The following PDIA5 variants were observed in gnomAD, a reference collection of about 807,000 sequenced individuals.
The protein encoded by PDIA5 is protein disulfide-isomerase A5.
In PDIA5, 58 loss-of-function variants were observed where a neutral mutation model predicts 77.6. The observed-to-expected ratio is 0.75, with a 90% CI of 0.61 to 0.93. The LOEUF (loss-of-function observed/expected upper bound fraction) is 0.93. Among genes scored for constraint, PDIA5 ranks in the 40% least tolerant of loss-of-function variants. PDIA5 has a pLI of 0.00. For missense variants in PDIA5, 630 were observed against 647.7 expected (o/e 0.97, Z 0.30); for synonymous variants, 250 against 252.1 (o/e 0.99, Z 0.08).
intron 15 of PDIA5, 136 bp from the exon 16 acceptor site, chr3:123,161,185 G>T: frequency 4.5e-6 from 4 of 880,476 alleles, no homozygotes; most frequent in Non-Finnish European, 5.3e-6. Context: ...GGGTGCTTTG[G>T]TTCAGTTCCT....
intron 14 of PDIA5, 56 bp from the exon 15 acceptor site, chr3:123,154,915 G>T (rs781343179): frequency 3.3e-6 from 4 of 1,196,134 alleles, no homozygotes; most frequent in Non-Finnish European, 5.0e-6. Flanking sequence ...CCCTGGCCCT[G>T]CAGCCTCCCT....
chr3:123,083,218 AG>A (rs144077305), intron 1 of PDIA5, among the ~76,000 whole-genome samples: 11 of 12,806 alleles, frequency 8.6e-4, no homozygotes, highest in Admixed American at 7.1e-3. Context: ...GGGGTGGGGG[AG>A]GGGGGGTGCA....
rs570399155 is a variant in PDIA5 at position 123,100,464 on chromosome 3, G to A, written c.258-1947G>A. ...CTGGACTCTATCTTAAAATGTCCTTGCCACCTTGGGGTAGGAACTATTGCA... is the reference window on the plus strand; with the variant it reads ...CTGGACTCTATCTTAAAATGTCCTTACCACCTTGGGGTAGGAACTATTGCA... On this transcript the variant is annotated intron_variant, in intron 3 of 16. Transcript: ENST00000316218. 3.3e-5 allele frequency among the ~76,000 whole-genome samples: 5 copies of A among 152,322 alleles called. 1 individual carries two copies. In the South Asian group the frequency reaches 1.0e-3, roughly 32 times the overall value.
chr3:123,078,979 G>T (rs1933923711), intron 1 of PDIA5, among the ~76,000 whole-genome samples: 2 of 152,086 alleles, frequency 1.3e-5, no homozygotes, highest in South Asian at 4.1e-4. Context: ...CTTTGAGGCA[G>T]TTAATTATTT....
chr3:123,136,425 G>C (rs545657165), intron 11 of PDIA5, among the ~76,000 whole-genome samples: 1 of 152,074 alleles, frequency 6.6e-6, no homozygotes, highest in Admixed American at 6.5e-5. Flanking sequence ...TTCTCCTTCC[G>C]CAGTGCTTCT....
intron 1 of PDIA5, among the ~76,000 whole-genome samples, chr3:123,067,832 A>T (rs1576427866): frequency 6.6e-6 from 1 of 152,150 alleles, no homozygotes; most frequent in Non-Finnish European, 1.5e-5. Flanking sequence ...CGGTTCATTT[A>T]ATGTATCTGA....
intron 14 of PDIA5, among the ~76,000 whole-genome samples, chr3:123,154,260 G>A (rs772838060): frequency 1.3e-4 from 20 of 152,206 alleles, no homozygotes; most frequent in Non-Finnish European, 2.8e-4. Context: ...GCTCTGACAA[G>A]CCTTCTCCCT....
intron 8 of PDIA5, among the ~76,000 whole-genome samples, 181 bp from the exon 9 acceptor site, chr3:123,123,885 C>T (rs767003609): frequency 6.6e-6 from 1 of 152,236 alleles, no homozygotes; most frequent in Non-Finnish European, 1.5e-5. Context: ...TCTCCAGCGC[C>T]AGGTCATGAT....
chr3:123,091,722 G>A (rs1451554420), intron 2 of PDIA5, among the ~76,000 whole-genome samples: 1 of 152,206 alleles, frequency 6.6e-6, no homozygotes, highest in African/African-American at 2.4e-5. Flanking sequence ...ACCAGGACCA[G>A]CTCTTGCCCC....
intron 7 of PDIA5, 74 bp downstream of exon 7, chr3:123,111,078 C>T (rs1031019120): frequency 3.1e-5 from 16 of 514,858 alleles, no homozygotes; most frequent in South Asian, 9.7e-5. Flanking sequence ...GTGGGGGTTG[C>T]GGGCGGGGTC....
intron 13 of PDIA5, among the ~76,000 whole-genome samples, chr3:123,147,108 G>C (rs1379895225): frequency 6.6e-6 from 1 of 152,204 alleles, no homozygotes; most frequent in African/African-American, 2.4e-5. Flanking sequence ...ACCATGTGCA[G>C]CCTATTTTCT....
intron 14 of PDIA5, among the ~76,000 whole-genome samples, chr3:123,154,041 T>G (rs551031638): frequency 2.0e-5 from 3 of 151,080 alleles, no homozygotes; most frequent in African/African-American, 4.9e-5. Context: ...AGGAGGGGGG[T>G]TTGGGTTCTG....
intron 8 of PDIA5, 61 bp downstream of exon 8, chr3:123,116,359 T>C: frequency 7.9e-7 from 1 of 1,259,716 alleles, no homozygotes; most frequent in Non-Finnish European, 1.2e-6. Flanking sequence ...GGAGGAAGGG[T>C]GCCAGGGGTG....
chr3:123,098,979 G>C (rs1056608594), intron 3 of PDIA5, among the ~76,000 whole-genome samples: 1 of 152,198 alleles, frequency 6.6e-6, no homozygotes, highest in South Asian at 2.1e-4. Context: ...TCTGAGCTTA[G>C]GTAATTTTCT....
chr3:123,139,518 A>G, intron 11 of PDIA5, among the ~76,000 whole-genome samples: 1 of 152,166 alleles, frequency 6.6e-6, no homozygotes, highest in East Asian at 1.9e-4. Context: ...TATCAAGAGA[A>G]TTCTAGGGTA....
intron 11 of PDIA5, among the ~76,000 whole-genome samples, chr3:123,138,039 G>A (rs1214978532): frequency 1.3e-5 from 2 of 152,086 alleles, no homozygotes; most frequent in Non-Finnish European, 2.9e-5. Context: ...TCAAACTCCT[G>A]GGTTCAAGTG....
At position 123,130,504 on chromosome 3, in the gene PDIA5, C is replaced by A; in HGVS notation, c.798C>A (p.Val266=). ...GTCCGCAGCCGCCACAGCCCCAGGT[C>A]CCTGAGACTCCCTGGGCAGATGAGG... ...LKNPQPPQPQ[V]PETPWADEGG... is the part of the protein sequence containing the mutation. Residue 266 remains valine (V), a synonymous_variant, in exon 11 of 17, where the codon GTC becomes GTA. Transcript: ENST00000316218. 1 of 1,614,020 alleles carries A rather than the reference C, an allele frequency of 6.2e-7. No individual in the cohort carries two copies. The highest frequency in any genetic ancestry group is 1.1e-5 in the South Asian group (1 of 91,068).
At position 123,150,346 on chromosome 3, in the gene PDIA5, G is replaced by A. The variant is rs767559313; in HGVS notation, c.1255G>A (p.Val419Ile). 3.1e-6 allele frequency: 5 copies of A among 1,613,802 alleles called. No homozygotes were observed. Among genetic ancestry groups the A allele is most frequent in the Non-Finnish European group, 3.4e-6 (4 of 1,179,928 alleles). ...ETLKKKKHTL[V>I]MFYAPWCPHC... is the part of the protein sequence containing the mutation. The stretch of plus-strand genomic sequence containing the variant: ...CCTGAAGAAGAAGAAACACACCTTG[G>A]TCATGTTCTACGCCCCTTGTAAGTA... Residue 419 changes from valine (V) to isoleucine (I), a missense_variant, in exon 14 of 17, where the codon GTC becomes ATC. Physicochemically the swap from Val to Ile is conservative, Grantham distance 29 (BLOSUM62 3). Transcript: ENST00000316218.
chr3:123,139,640 G>A (rs895123218), intron 11 of PDIA5, among the ~76,000 whole-genome samples: 7 of 152,144 alleles, frequency 4.6e-5, no homozygotes, highest in Non-Finnish European at 1.0e-4. Flanking sequence ...GGAGAGGAGA[G>A]GGGATGTGCA....
Sources: allele counts gnomAD v4.1 joint callset (sites outside exome capture counted in the v4.1 genomes callset), GRCh38; gene constraint gnomAD v4.1.1; transcripts MANE v1.5; gene names NCBI Gene and HGNC (gene_info 2026-07-23, HGNC 2026-07-21).